MYO1E: variants seen among roughly 807,000 people sequenced by gnomAD.
MYO1E encodes the protein myosin IE, also known as unconventional myosin-Ie.
Under a neutral mutation model 151.1 loss-of-function variants are expected in MYO1E, and 68 were observed. The ratio of observed to expected loss-of-function variants is 0.45; its 90% confidence interval spans 0.37 to 0.55. MYO1E has a LOEUF of 0.55. MYO1E is among the 20% of genes least tolerant of loss of function. The pLI, the probability that MYO1E is intolerant of heterozygous loss-of-function variation, is 0.00. For missense variants in MYO1E, 1,363 were observed against 1,389.3 expected (o/e 0.98, Z 0.30); for synonymous variants, 601 against 501.7 (o/e 1.20, Z -2.64).
At chr15:59,248,410 C>G (rs1000438976) in intron 4 of MYO1E, among the ~76,000 whole-genome samples, 2 of 128,558 alleles carry the variant, frequency 1.6e-5, no homozygotes, top group African/African-American at 3.0e-5. Flanking sequence ...CGCTTGAACC[C>G]GGGGGGATGG....
chr15:59,167,421 G>T (rs1451548572), intron 22 of MYO1E, among the ~76,000 whole-genome samples: 1 of 152,112 alleles, frequency 6.6e-6, no homozygotes, highest in Non-Finnish European at 1.5e-5. Context: ...GCAAAGCCAA[G>T]AACATGGGTC....
At chr15:59,276,226 G>A (rs538484531) in intron 1 of MYO1E, among the ~76,000 whole-genome samples, 5 of 152,252 alleles carry the variant, frequency 3.3e-5, no homozygotes, top group Non-Finnish European at 7.4e-5. Context: ...TGTGAGGGCA[G>A]CCATTCTCTT....
At chr15:59,285,877 T>C (rs1356535420) in intron 1 of MYO1E, among the ~76,000 whole-genome samples, 1 of 152,202 alleles carries the variant, frequency 6.6e-6, no homozygotes, top group Non-Finnish European at 1.5e-5. Flanking sequence ...GCCTAATAGA[T>C]TCATAAGTCA....
rs199582846 is a variant in MYO1E at position 59,216,691 on chromosome 15, TACACACAC to T, written c.1107+1192_1107+1199del. On this transcript the variant is annotated intron_variant, in intron 10 of 27. Transcript: ENST00000288235. Reference sequence around the variant, plus strand: ...GTATATATATATATATATATACACATACACACACACACACACACACACACACACACACA... The same window carrying T: ...GTATATATATATATATATATACACATACACACACACACACACACACACACA... Among the ~76,000 whole-genome samples, 238 of 56,536 alleles carry T rather than the reference TACACACAC, an allele frequency of 4.2e-3. 7 individuals are homozygous for T. Among genetic ancestry groups the T allele is most frequent in the Admixed American group, 0.016 (86 of 5,218 alleles). 37.1% of individuals were successfully genotyped at this position (56,536 alleles called of 152,430 possible). A position where few individuals can be genotyped will look rare whatever the true frequency, so the allele number is the denominator to read the frequency against.
intron 2 of MYO1E, among the ~76,000 whole-genome samples, chr15:59,265,674 A>G (rs1159042095): frequency 1.3e-5 from 2 of 152,016 alleles, no homozygotes; most frequent in African/African-American, 4.8e-5. Context: ...GTTTGGTTTA[A>G]AATGGCTGTT....
chr15:59,252,331 C>T (rs901514907), intron 4 of MYO1E, among the ~76,000 whole-genome samples: 1 of 152,104 alleles, frequency 6.6e-6, no homozygotes, highest in Non-Finnish European at 1.5e-5. Flanking sequence ...GCCTGTAATC[C>T]CAGCACTTTC....
chr15:59,269,674 G>A (rs2080278124), intron 2 of MYO1E, among the ~76,000 whole-genome samples: 1 of 151,890 alleles, frequency 6.6e-6, no homozygotes, highest in African/African-American at 2.4e-5. Flanking sequence ...CGGCCAACAT[G>A]GTGAATGAAA....
At chr15:59,324,949 GA>G (rs11306933) in intron 1 of MYO1E, among the ~76,000 whole-genome samples, 76,896 of 133,962 alleles carry the variant, frequency 0.57, 22,422 homozygotes, top group Non-Finnish European at 0.69. Context: ...AGGCTTTTTA[GA>G]AAAAAAAAAA....
chr15:59,197,434 C>T (rs2079774731), intron 16 of MYO1E, among the ~76,000 whole-genome samples: 1 of 152,226 alleles, frequency 6.6e-6, no homozygotes, highest in Admixed American at 6.5e-5. Context: ...CCATAGTCCT[C>T]TCCAGCTAAA....
rs1289460008 is a variant in MYO1E, at chr15:59,136,922, TGAAG to T, written c.*454_*457del. On this transcript the variant is annotated 3_prime_UTR_variant, in exon 28 of 28. Coordinates refer to ENST00000288235, the MANE Select transcript of MYO1E (RefSeq NM_004998.4). ...CAGTCTGCAGAGGGCGGGTCCTCCC[TGAAG>T]GAAGGTGGCAGAGAGGAATGTGTCT... The T allele has an allele frequency of 2.8e-6, 1 of 362,468 alleles. No individual in the cohort carries two copies. The highest frequency in any genetic ancestry group is 2.0e-5 in the South Asian group (1 of 49,460). 22.5% of individuals were successfully genotyped at this position (362,468 alleles called of 1,614,324 possible).
chr15:59,324,798 TAA>T (rs1329225107), intron 1 of MYO1E, among the ~76,000 whole-genome samples: 1 of 152,116 alleles, frequency 6.6e-6, no homozygotes. Context: ...CTAAAGACAT[TAA>T]AAGACTCCTA....
chr15:59,214,729 A>C lies in MYO1E; in HGVS notation c.1108-9T>G. 1.2e-6 allele frequency: 2 copies of C among 1,606,342 alleles called. No individual in the cohort carries two copies. Among genetic ancestry groups the C allele is most frequent in the Admixed American group, 1.7e-5 (1 of 60,022 alleles). On this transcript the variant is annotated splice_polypyrimidine_tract_variant and intron_variant, in intron 10 of 27. Transcript: ENST00000288235. ...ATGGCTTTATTGATGGACTAGAGAA[A>C]GTAAACAGCATGGCAGTGAACTCCT... is the stretch of plus-strand genomic sequence containing the variant.
chr15:59,226,878 C>T (rs1197825502), intron 7 of MYO1E, among the ~76,000 whole-genome samples: 1 of 152,174 alleles, frequency 6.6e-6, no homozygotes, highest in South Asian at 2.1e-4. Context: ...AATCAAAAAG[C>T]ACCCTGCAAG....
intron 1 of MYO1E, among the ~76,000 whole-genome samples, chr15:59,297,034 T>G (rs76040970): frequency 1.9e-5 from 1 of 51,916 alleles, no homozygotes; most frequent in African/African-American, 5.1e-5. Context: ...TGTGTTTTTT[T>G]GTAGAGACAG....
chr15:59,216,798 A>G (rs1348204529), intron 10 of MYO1E, among the ~76,000 whole-genome samples: 3 of 150,838 alleles, frequency 2.0e-5, no homozygotes, highest in Non-Finnish European at 4.4e-5. Flanking sequence ...CCTTCCTCTA[A>G]AAGGTGGAGC....
At chr15:59,339,815 C>A (rs775593158) in intron 1 of MYO1E, among the ~76,000 whole-genome samples, 1 of 151,870 alleles carries the variant, frequency 6.6e-6, no homozygotes. Flanking sequence ...TAGCGAGATA[C>A]CTTCTCTACA....
intron 4 of MYO1E, among the ~76,000 whole-genome samples, chr15:59,248,346 C>T (rs1596383956): frequency 6.6e-6 from 1 of 150,968 alleles, no homozygotes; most frequent in South Asian, 2.1e-4. Context: ...ATTAGCCAGG[C>T]AAGGTGGTGG....
At position 59,236,379 on chromosome 15, in the gene MYO1E, C is replaced by T. The variant is rs1430736048; in HGVS notation, c.420+206G>A. 0.035 allele frequency among the ~76,000 whole-genome samples: 2,419 copies of T among 68,212 alleles called. 153 individuals carry two copies. Among genetic ancestry groups the T allele is most frequent in the African/African-American group, 0.14 (2,247 of 16,594 alleles). The allele number at this position is 68,212 out of a possible 152,430, so 44.7% of individuals were successfully genotyped here. A position where few individuals can be genotyped will look rare whatever the true frequency, so the allele number is the denominator to read the frequency against. ...AAAAAAAAAAATATATACACACACA[C>T]ACACACACACACACACACACACACA... On this transcript the variant is annotated intron_variant, in intron 5 of 27. Coordinates refer to ENST00000288235, the MANE Select transcript of MYO1E (RefSeq NM_004998.4).
chr15:59,221,311 A>G (rs2079954747), intron 9 of MYO1E, among the ~76,000 whole-genome samples: 1 of 151,964 alleles, frequency 6.6e-6, no homozygotes, highest in South Asian at 2.1e-4. Context: ...TGCCTGGCCT[A>G]AGACACATGT....
Sources: allele counts gnomAD v4.1 joint callset (sites outside exome capture counted in the v4.1 genomes callset), GRCh38; gene constraint gnomAD v4.1.1; transcripts MANE v1.5; gene names NCBI Gene and HGNC (gene_info 2026-07-23, HGNC 2026-07-21).